Variants in MAP4K3 observed in about 807,000 individuals in gnomAD.
The protein encoded by MAP4K3 is mitogen-activated protein kinase kinase kinase kinase 3, also known as MAPK/ERK kinase kinase kinase 3.
A neutral mutation model predicts 143.5 loss-of-function variants in MAP4K3; 94 were observed. The ratio of observed to expected loss-of-function variants is 0.65; its 90% CI spans 0.55 to 0.78. The LOEUF is 0.78. MAP4K3 is among the 30% of genes least tolerant of loss of function. The pLI, the probability that MAP4K3 is intolerant of heterozygous loss-of-function variation, is 0.00. For missense variants in MAP4K3, 1,077 were observed against 1,068.1 expected (o/e 1.01, Z -0.12); for synonymous variants, 416 against 347.2 (o/e 1.20, Z -2.20).
chr2:39,333,746 T>C (rs1467049169), intron 6 of MAP4K3, among the ~76,000 whole-genome samples, 172 bp from the exon 7 acceptor site: 2 of 152,148 alleles, frequency 1.3e-5, no homozygotes, highest in African/African-American at 2.4e-5. Flanking sequence ...TACTGTCCAC[T>C]TTTTAGGCAA....
At chr2:39,344,454 C>A (rs1218277750) in intron 3 of MAP4K3, among the ~76,000 whole-genome samples, 2 of 152,086 alleles carry the variant, frequency 1.3e-5, no homozygotes, top group Non-Finnish European at 2.9e-5. Context: ...GTATGAAATT[C>A]AAATTTTAGT....
chr2:39,402,216 G>T (rs1454070585), intron 1 of MAP4K3, among the ~76,000 whole-genome samples: 1 of 152,172 alleles, frequency 6.6e-6, no homozygotes, highest in Non-Finnish European at 1.5e-5. Flanking sequence ...TAGTGAACTT[G>T]AAGAAAACGG....
At chr2:39,333,360 C>T (rs1168580454) in intron 7 of MAP4K3, among the ~76,000 whole-genome samples, 172 bp downstream of exon 7, 2 of 152,018 alleles carry the variant, frequency 1.3e-5, no homozygotes, top group Non-Finnish European at 2.9e-5. Flanking sequence ...GACTTTATCC[C>T]TGTTTAAGAG....
chr2:39,278,568 ATAAG>A, intron 23 of MAP4K3, 82 bp from the exon 24 acceptor site: 2 of 748,706 alleles, frequency 2.7e-6, no homozygotes, highest in Non-Finnish European at 4.4e-6. Context: ...ACTTCCGTAA[ATAAG>A]TATTAACATA....
intron 14 of MAP4K3, 78 bp downstream of exon 14, chr2:39,309,383 G>A: frequency 1.9e-6 from 2 of 1,042,720 alleles, no homozygotes; most frequent in Admixed American, 2.6e-5. Flanking sequence ...AGCTTTTTTG[G>A]TCAGTACTAA....
intron 1 of MAP4K3, among the ~76,000 whole-genome samples, chr2:39,418,242 G>C (rs1382900255): frequency 6.6e-6 from 1 of 151,442 alleles, no homozygotes; most frequent in African/African-American, 2.4e-5. Context: ...CCTATGAATG[G>C]GACACAGGAA....
At chr2:39,304,855 AATGGAGTATT>A (rs1682641470) in intron 15 of MAP4K3, among the ~76,000 whole-genome samples, 1 of 152,214 alleles carries the variant, frequency 6.6e-6, no homozygotes, top group African/African-American at 2.4e-5. Flanking sequence ...ATTTACATGC[AATGGAGTATT>A]ATTCAGCCTT....
At chr2:39,300,728 G>C (rs758737800) in intron 15 of MAP4K3, among the ~76,000 whole-genome samples, 25 of 152,136 alleles carry the variant, frequency 1.6e-4, no homozygotes, top group Admixed American at 9.8e-4. Context: ...AGCCACCTTG[G>C]AGCAGCCGCC....
chr2:39,267,053 A>C (rs1680795468), intron 27 of MAP4K3, 136 bp downstream of exon 27: 1 of 752,976 alleles, frequency 1.3e-6, no homozygotes, highest in Non-Finnish European at 2.3e-6. Flanking sequence ...CACAGAGATG[A>C]AACAGCCAAG....
At chr2:39,353,142 G>A (rs965638022) in intron 3 of MAP4K3, among the ~76,000 whole-genome samples, 2 of 152,164 alleles carry the variant, frequency 1.3e-5, no homozygotes, top group Non-Finnish European at 2.9e-5. Flanking sequence ...CTAATGAGAC[G>A]TTGGATAGAC....
intron 1 of MAP4K3, among the ~76,000 whole-genome samples, chr2:39,396,300 T>C (rs895703483): frequency 6.6e-5 from 10 of 152,018 alleles, no homozygotes; most frequent in African/African-American, 2.4e-4. Flanking sequence ...CTCGACCTCA[T>C]GAAGTGTTGG....
At chr2:39,366,230 T>C (rs1419943325) in intron 2 of MAP4K3, among the ~76,000 whole-genome samples, 4 of 146,054 alleles carry the variant, frequency 2.7e-5, no homozygotes, top group Admixed American at 7.0e-5. Flanking sequence ...AAGATTTACA[T>C]TGGTTTGATC....
At chr2:39,391,358 C>CAAAAAAAAAAAAAAAAAAAAAAAAAAAAA in intron 1 of MAP4K3, among the ~76,000 whole-genome samples, 1 of 45,432 alleles carries the variant, frequency 2.2e-5, no homozygotes, top group Non-Finnish European at 3.8e-5. Context: ...GACTCCATCT[C>CAAAAAAAAAAAAAAAAAAAAAAAAAAAAA]AAAAAAAAAA....
At chr2:39,388,012 CAT>C (rs761319761) in intron 1 of MAP4K3, among the ~76,000 whole-genome samples, 2 of 152,212 alleles carry the variant, frequency 1.3e-5, no homozygotes, top group African/African-American at 2.4e-5. Flanking sequence ...ACAGTTCCAA[CAT>C]ATCAGTAATT....
chr2:39,277,089 T>C (rs1681290670), intron 24 of MAP4K3, among the ~76,000 whole-genome samples: 1 of 152,214 alleles, frequency 6.6e-6, no homozygotes, highest in Non-Finnish European at 1.5e-5. Context: ...TCTTTTACCA[T>C]TTGACCATGG....
chr2:39,396,456 G>A (rs1666807698), intron 1 of MAP4K3, among the ~76,000 whole-genome samples: 1 of 149,870 alleles, frequency 6.7e-6, no homozygotes. Context: ...TCAAGACAAT[G>A]TGCTTTAACT....
chr2:39,378,061 T>C lies in MAP4K3; in HGVS notation c.154+5A>G. 1.9e-6 allele frequency: 3 copies of C among 1,554,574 alleles called. No individual in the cohort carries two copies. Among genetic ancestry groups the C allele is most frequent in the Middle Eastern group, 1.7e-4 (1 of 5,844 alleles). ...GTAAGAAAAAATGAATTTCAAACAA[T>C]TTACCTGGTTCCAATTTTATTACTT... On this transcript the variant is annotated splice_donor_5th_base_variant and intron_variant, in intron 2 of 33. Coordinates refer to ENST00000263881, the MANE Select transcript of MAP4K3 (RefSeq NM_003618.4).
At chr2:39,414,692 G>A (rs180673963) in intron 1 of MAP4K3, among the ~76,000 whole-genome samples, 12 of 152,186 alleles carry the variant, frequency 7.9e-5, no homozygotes, top group South Asian at 2.1e-4. Flanking sequence ...TGGCTAACAC[G>A]GTGAAACCCC....
chr2:39,379,828 A>G (rs919465550), intron 1 of MAP4K3: 1 of 168,512 alleles, frequency 5.9e-6, no homozygotes, highest in African/African-American at 2.4e-5. Flanking sequence ...TAGGATGATT[A>G]TAACTGAGAT....
Sources: allele counts gnomAD v4.1 joint callset (sites outside exome capture counted in the v4.1 genomes callset), GRCh38; gene constraint gnomAD v4.1.1; transcripts MANE v1.5; gene names NCBI Gene and HGNC (gene_info 2026-07-23, HGNC 2026-07-21).